The following ABCA7 variants were observed in gnomAD, a reference collection of about 807,000 sequenced individuals.
The protein encoded by ABCA7 is phospholipid-transporting ATPase ABCA7.
Under a neutral mutation model 227.6 loss-of-function variants are expected in ABCA7, and 261 were observed. The observed-to-expected ratio is 1.15, with a 90% CI of 1.04 to 1.27. ABCA7 has a LOEUF of 1.27. Among genes scored for constraint, ABCA7 ranks in the 50% most tolerant of loss-of-function variants. The pLI, the probability that ABCA7 is intolerant of heterozygous loss-of-function variation, is 0.00. For missense variants in ABCA7, 3,331 were observed against 2,924.5 expected (o/e 1.14, Z -3.21); for synonymous variants, 1,488 against 1,279.7 (o/e 1.16, Z -3.47).
chr19:1,056,582 G>T lies in ABCA7; in HGVS notation c.4586+83G>T, dbSNP rs1200076202. 1.4e-6 allele frequency: 2 copies of T among 1,462,550 alleles called. No homozygotes were observed. Among genetic ancestry groups the T allele is most frequent in the Non-Finnish European group, 1.8e-6 (2 of 1,084,172 alleles). The allele number at this position is 1,462,550 out of a possible 1,614,324, so 90.6% of individuals were successfully genotyped here. A position where few individuals can be genotyped will look rare whatever the true frequency, so the allele number is the denominator to read the frequency against. On this transcript the variant is annotated intron_variant, in intron 33 of 46. Transcript: ENST00000263094. This position sits in a 1 kb window ranked among gnomAD's most constrained non-coding sequence, Gnocchi z 4.3. ...CTGTCGTTTGGGGTGGTGGGAGCTG[G>T]ATTTGAACCCTGACACACTCTTGCT...
chr19:1,058,516 A>G (rs2042437071), intron 37 of ABCA7, 102 bp from the exon 38 acceptor site: 1 of 1,551,550 alleles, frequency 6.4e-7, no homozygotes, highest in South Asian at 1.2e-5. Flanking sequence ...TGGCCTATCC[A>G]ATTTGTGTTC....
chr19:1,064,369 G>A, intron 45 of ABCA7, 116 bp downstream of exon 45: 1 of 1,183,742 alleles, frequency 8.4e-7, no homozygotes, highest in Non-Finnish European at 1.2e-6. Flanking sequence ...CTGGAGAGAT[G>A]GCCAAGGCTT....
intron 16 of ABCA7, among the ~76,000 whole-genome samples, chr19:1,047,981 G>A (rs2040886141): frequency 6.6e-6 from 1 of 152,072 alleles, no homozygotes; most frequent in South Asian, 2.1e-4. Flanking sequence ...TTGAGCCCAG[G>A]AGTTTGAGAC....
At chr19:1,050,869 A>T in intron 18 of ABCA7, 52 bp from the exon 19 acceptor site, 2 of 1,337,918 alleles carry the variant, frequency 1.5e-6, no homozygotes, top group Non-Finnish European at 1.9e-6. Flanking sequence ...AAGCTCTGTA[A>T]CTGCCAGTGC....
chr19:1,047,212 C>G lies in ABCA7; in HGVS notation c.1901C>G (p.Ala634Gly). 6.2e-7 allele frequency: 1 copy of G among 1,608,976 alleles called. No individual in the cohort carries two copies. Among genetic ancestry groups the G allele is most frequent in the Non-Finnish European group, 8.5e-7 (1 of 1,179,460 alleles). ...HPGVVFLFLA[A>G]FAVATVTQSF... Reference sequence around the variant, plus strand: ...GGCGTGGTCTTCCTGTTCTTGGCAGCCTTCGCGGTGGCCACGGTGACCCAG... The same window carrying G: ...GGCGTGGTCTTCCTGTTCTTGGCAGGCTTCGCGGTGGCCACGGTGACCCAG... Residue 634 changes from alanine to glycine, a missense_variant, in exon 15 of 47, where the codon GCC (alanine) becomes GGC (glycine). Physicochemically the swap from Ala to Gly is moderately conservative, Grantham distance 60. Transcript: ENST00000263094.
At position 1,065,121 on chromosome 19, in the gene ABCA7, G is replaced by T; in HGVS notation, c.6235G>T (p.Ala2079Ser). 3 of 1,589,696 alleles carry T rather than the reference G, an allele frequency of 1.9e-6. No homozygotes were observed. Among genetic ancestry groups the T allele is most frequent in the South Asian group, 1.1e-5 (1 of 88,938 alleles). ...RVFGELAVHG[A>S]EHGVEDFSVS... is the part of the protein sequence containing the mutation. ...CTTTGGAGAGCTGGCGGTGCACGGC[G>T]CAGAGCACGGCGTGGAGGACTTTTC... The change falls in exon 46 of 47, where the codon GCA becomes TCA. Residue 2079 changes from alanine to serine, a missense_variant. Transcript: ENST00000263094.
At chr19:1,048,354 G>A (rs2040932969) in intron 16 of ABCA7, among the ~76,000 whole-genome samples, 1 of 151,104 alleles carries the variant, frequency 6.6e-6, no homozygotes, top group Admixed American at 6.6e-5. Context: ...AAAATTAGCT[G>A]GGTGTGGTGG....
chr19:1,064,667 G>T (rs920512448), intron 45 of ABCA7: 1 of 558,098 alleles, frequency 1.8e-6, no homozygotes, highest in East Asian at 3.3e-5. Flanking sequence ...AGTCAAGTGG[G>T]GTGATAGCTT....
chr19:1,048,852 C>T (rs1283415902), intron 16 of ABCA7, 43 bp from the exon 17 acceptor site: 2 of 1,220,076 alleles, frequency 1.6e-6, no homozygotes, highest in East Asian at 2.5e-5. Context: ...CTGGTACACT[C>T]CTGGGGGGTG....
intron 12 of ABCA7, 77 bp downstream of exon 12, chr19:1,045,308 C>T (rs2040509886): frequency 7.4e-7 from 1 of 1,349,630 alleles, no homozygotes; most frequent in Non-Finnish European, 1.0e-6. Context: ...AGGCAGCATT[C>T]AGCCTATTGG....
chr19:1,060,207 A>ATATATTTTTT, intron 40 of ABCA7, among the ~76,000 whole-genome samples: 1,180 of 96,846 alleles, frequency 0.012, 55 homozygotes, highest in African/African-American at 0.039. Context: ...ATATATATAT[A>ATATATTTTTT]TTTTTTTTTC....
rs1224091037 is a variant in ABCA7 at position 1,065,563 on chromosome 19, G to A, written c.*138G>A. 1 of 1,096,404 alleles carries A rather than the reference G, an allele frequency of 9.1e-7. No homozygotes were observed. Among genetic ancestry groups the A allele is most frequent in the East Asian group, 2.5e-5 (1 of 39,338 alleles). 67.9% of individuals were successfully genotyped at this position (1,096,404 alleles called of 1,614,324 possible). A position where few individuals can be genotyped will look rare whatever the true frequency, so the allele number is the denominator to read the frequency against. ...AAAGAGAAGGCTGGAGAGAAGCCGTGGTGGTGAAACCGTGTGCATGTGTGT... is the reference window on the plus strand; with the variant it reads ...AAAGAGAAGGCTGGAGAGAAGCCGTAGTGGTGAAACCGTGTGCATGTGTGT... On this transcript the variant is annotated 3_prime_UTR_variant, in exon 47 of 47. Transcript: ENST00000263094.
At position 1,056,447 on chromosome 19, in the gene ABCA7, A is replaced by G. The variant is rs756795670; in HGVS notation, c.4534A>G (p.Thr1512Ala). 3 of 1,613,578 alleles carry G rather than the reference A, an allele frequency of 1.9e-6. No homozygotes were observed. The highest frequency in any genetic ancestry group is 1.6e-4 in the Middle Eastern group (1 of 6,062). Residue 1512 changes from threonine to alanine, a missense_variant, in exon 33 of 47, where the codon ACA becomes GCA. By Grantham distance (58) the Thr-to-Ala change is moderately conservative. Transcript: ENST00000263094. The surrounding 1 kb of genome is among the most constrained non-coding windows in gnomAD (Gnocchi z 4.3). ...GPARHAHSIT[T>A]LNHPLNLTKE... Reference sequence around the variant, plus strand: ...GGCCCGCCACGCCCACAGCATCACCACACTCAACCACCCCTTGAACCTCAC... The same window carrying G: ...GGCCCGCCACGCCCACAGCATCACCGCACTCAACCACCCCTTGAACCTCAC...
In ABCA7 at chr19:1,045,880, G is replaced by A. The variant is rs529235331; in HGVS notation, c.1446-350G>A. Among the ~76,000 whole-genome samples, 10 of 151,832 alleles carry A rather than the reference G, an allele frequency of 6.6e-5. No individual in the cohort carries two copies. In the South Asian group the frequency reaches 1.0e-3, roughly 16 times the overall value. On this transcript the variant is annotated intron_variant, in intron 12 of 46. Transcript: ENST00000263094. Reference sequence around the variant, plus strand: ...AAATTAGCCGGGCGTGGTAGCACGCGCCTGTAGGCCCAGCTACCCAGGAGG... The same window carrying A: ...AAATTAGCCGGGCGTGGTAGCACGCACCTGTAGGCCCAGCTACCCAGGAGG...
chr19:1,064,234 C>T lies in ABCA7; in HGVS notation c.6025C>T (p.Pro2009Ser). The T allele has an allele frequency of 6.4e-7, 1 of 1,566,110 alleles. No homozygotes were observed. The highest frequency in any genetic ancestry group is 8.6e-7 in the Non-Finnish European group (1 of 1,157,018). ...TGGGCGGTTCCGCTGCCTGGGCAGCCCGCAACATCTCAAGGGCAGGTGAGC... is the reference window on the plus strand; with the variant it reads ...TGGGCGGTTCCGCTGCCTGGGCAGCTCGCAACATCTCAAGGGCAGGTGAGC... ...VNGRFRCLGS[P>S]QHLKGRFAAG... The change falls in exon 45 of 47, where the codon CCG becomes TCG. Residue 2009 changes from proline (P) to serine (S), a missense_variant. Pro to Ser is a moderately conservative substitution (Grantham distance 74). Coordinates refer to ENST00000263094, the MANE Select transcript of ABCA7 (RefSeq NM_019112.4).
chr19:1,041,557 C>T lies in ABCA7; in HGVS notation c.114C>T (p.Ile38=). Residue 38 remains isoleucine, a synonymous_variant, in exon 3 of 47, where the codon ATC becomes ATT. Transcript: ENST00000263094. Reference sequence around the variant, plus strand: ...TGTGGCCTCTCTTCCTCTTCTTCATCCTGGTGGCTGTTCGCCACTCCCACC... The same window carrying T: ...TGTGGCCTCTCTTCCTCTTCTTCATTCTGGTGGCTGTTCGCCACTCCCACC... The part of the protein sequence containing the change: ...ELLWPLFLFF[I]LVAVRHSHPP... The T allele has an allele frequency of 6.2e-7, 1 of 1,613,394 alleles. No homozygotes were observed. The highest frequency in any genetic ancestry group is 8.5e-7 in the Non-Finnish European group (1 of 1,180,028).
At position 1,059,010 on chromosome 19, in the gene ABCA7, T is replaced by A; in HGVS notation, c.5401-13T>A. 1 of 1,613,890 alleles carries A rather than the reference T, an allele frequency of 6.2e-7. No homozygotes were observed. Among genetic ancestry groups the A allele is most frequent in the Non-Finnish European group, 8.5e-7 (1 of 1,179,968 alleles). ...GGCCCACTCACCTTTCTGAAAGACC[T>A]GCACTCTCCCAGGTATACCGTGGGC... On this transcript the variant is annotated splice_polypyrimidine_tract_variant and intron_variant, in intron 39 of 46. Coordinates refer to ENST00000263094, the MANE Select transcript of ABCA7 (RefSeq NM_019112.4).
chr19:1,055,452 C>A, intron 30 of ABCA7, 101 bp downstream of exon 30: 1 of 1,377,236 alleles, frequency 7.3e-7, no homozygotes, highest in Non-Finnish European at 9.5e-7. Context: ...GGGTTGGATG[C>A]CCAGCTTGGG....
At position 1,053,447 on chromosome 19, in the gene ABCA7, C is replaced by T. The variant is rs762071608; in HGVS notation, c.3339C>T (p.Phe1113=). ...LPYTGAHDGS[F]ATLFRELDTR... is the part of the protein sequence containing the mutation. ...ACACGGGTGCCCATGACGGCAGCTT[C>T]GCCACACTCTTCCGAGAGCTAGACA... The change falls in exon 24 of 47, where the codon TTC becomes TTT. Residue 1113 remains phenylalanine, a synonymous_variant. Coordinates refer to ENST00000263094, the MANE Select transcript of ABCA7 (RefSeq NM_019112.4). 10 of 1,602,536 alleles carry T rather than the reference C, an allele frequency of 6.2e-6. No homozygotes were observed. The highest frequency in any genetic ancestry group is 2.2e-5 in the South Asian group (2 of 89,662).
Sources: gnomAD v4.1 joint callset for allele counts (sites outside exome capture counted in the v4.1 genomes callset) on GRCh38, gnomAD v4.1.1 for gene constraint, Gnocchi (gnomAD v3.1) non-coding constraint, MANE v1.5 for transcripts, NCBI Gene and HGNC (gene_info 2026-07-23, HGNC 2026-07-21) for gene names.